Variants in PLXDC2 observed in about 807,000 individuals in gnomAD.
The protein encoded by PLXDC2 is plexin domain-containing protein 2.
In PLXDC2, 40 loss-of-function variants were observed where a neutral mutation model predicts 68.9. The ratio of observed to expected loss-of-function variants is 0.58; its 90% CI spans 0.45 to 0.76. PLXDC2 has a LOEUF of 0.76. PLXDC2 is among the 30% of genes least tolerant of loss of function. PLXDC2 has a pLI of 0.00. For synonymous variants in PLXDC2, 243 were observed against 234.2 expected, an observed-to-expected ratio of 1.04 and a Z score of -0.34; for missense variants, 644 against 661.9, an observed-to-expected ratio of 0.97 and a Z score of 0.30.
intron 1 of PLXDC2, among the ~76,000 whole-genome samples, chr10:19,829,597 C>G (rs955058341): frequency 2.7e-5 from 4 of 149,068 alleles, no homozygotes; most frequent in East Asian, 3.9e-4. Context: ...GACGTGGTGG[C>G]GGGCACCTGT....
chr10:19,913,052 G>GT (rs1263138633), intron 1 of PLXDC2, among the ~76,000 whole-genome samples: 1 of 152,140 alleles, frequency 6.6e-6, no homozygotes, highest in Non-Finnish European at 1.5e-5. Flanking sequence ...AGTTGTCAAA[G>GT]TATCTGAATG....
chr10:20,007,732 T>C (rs1835049792), intron 2 of PLXDC2, among the ~76,000 whole-genome samples: 1 of 152,230 alleles, frequency 6.6e-6, no homozygotes, highest in Non-Finnish European at 1.5e-5. Flanking sequence ...CGGTCTGATA[T>C]TCTGTTTCTA....
Position 20,285,322 on chromosome 10 carries a change from G to GAAC in PLXDC2, c.*5505_*5507dup, listed in dbSNP as rs1269826255. ...TGTTCAGTTCACTGAAATATTTATT[G>GAAC]AACACCTACTGGAACCAAGTGACTG... On this transcript the variant is annotated 3_prime_UTR_variant, in exon 14 of 14. Coordinates refer to ENST00000377252, the MANE Select transcript of PLXDC2 (RefSeq NM_032812.9). 6.6e-6 allele frequency: 1 copy of GAAC among 151,956 alleles called. No homozygotes were observed. The highest frequency in any genetic ancestry group is 1.9e-4 in the East Asian group (1 of 5,172). 9.4% of individuals were successfully genotyped at this position (151,956 alleles called of 1,614,324 possible).
At chr10:19,835,037 G>A (rs899211411) in intron 1 of PLXDC2, among the ~76,000 whole-genome samples, 1 of 152,140 alleles carries the variant, frequency 6.6e-6, no homozygotes, top group Non-Finnish European at 1.5e-5. Flanking sequence ...TGATGGAAAG[G>A]CATCCTGAAC....
chr10:19,958,476 C>T (rs75752433), intron 1 of PLXDC2, among the ~76,000 whole-genome samples: 240 of 152,250 alleles, frequency 1.6e-3, no homozygotes, highest in Non-Finnish European at 3.2e-3. Flanking sequence ...TAAATCTGAA[C>T]TGGAAAACTG....
At chr10:20,064,568 T>C (rs924557505) in intron 3 of PLXDC2, among the ~76,000 whole-genome samples, 1 of 152,148 alleles carries the variant, frequency 6.6e-6, no homozygotes, top group African/African-American at 2.4e-5. Context: ...AGTCCTTTGT[T>C]TTATATACTA....
chr10:20,044,464 C>T (rs1369037381), intron 2 of PLXDC2, among the ~76,000 whole-genome samples: 1 of 151,752 alleles, frequency 6.6e-6, no homozygotes, highest in Non-Finnish European at 1.5e-5. Flanking sequence ...CATCTGCCAT[C>T]ACGCCTGGCT....
chr10:19,872,614 G>A (rs1325514814), intron 1 of PLXDC2, among the ~76,000 whole-genome samples: 1 of 152,184 alleles, frequency 6.6e-6, no homozygotes, highest in Non-Finnish European at 1.5e-5. Flanking sequence ...GACAAATGTG[G>A]TTCGGAGTTT....
chr10:20,125,523 C>G (rs748902446), intron 4 of PLXDC2, among the ~76,000 whole-genome samples: 22 of 152,096 alleles, frequency 1.4e-4, no homozygotes, highest in Non-Finnish European at 2.6e-4. Context: ...ACGATCACAA[C>G]TCTGAGATTG....
chr10:19,869,654 TTTAA>T (rs1837496627), intron 1 of PLXDC2, among the ~76,000 whole-genome samples: 1 of 152,086 alleles, frequency 6.6e-6, no homozygotes, highest in Non-Finnish European at 1.5e-5. Context: ...CATTTAAACA[TTTAA>T]TTAATATTTA....
In PLXDC2 at chr10:20,220,906, A is replaced by G. The variant is rs543071731; in HGVS notation, c.1312+1804A>G. Among the ~76,000 whole-genome samples the G allele has an allele frequency of 1.5e-4, 22 of 146,684 alleles. No homozygotes were observed. The East Asian group carries it at 2.0e-3, about 13-fold the overall frequency. On this transcript the variant is annotated intron_variant, in intron 12 of 13. Transcript: ENST00000377252. ...TGCCCAGGCTGGAGTGTAGTGGCAC[A>G]ATCTCAGCTCACTGCAACCTCCGTC... is the stretch of plus-strand genomic sequence containing the variant.
intron 13 of PLXDC2, among the ~76,000 whole-genome samples, chr10:20,254,084 C>A (rs151069050): frequency 1.3e-5 from 2 of 152,234 alleles, no homozygotes; most frequent in Non-Finnish European, 2.9e-5. Context: ...AATTCCTCAC[C>A]CCGGCCCTAT....
intron 3 of PLXDC2, among the ~76,000 whole-genome samples, chr10:20,054,300 G>A (rs138338632): frequency 6.6e-6 from 1 of 151,996 alleles, no homozygotes; most frequent in South Asian, 2.1e-4. Context: ...GGGGAGTCTC[G>A]CTAAACTGAC....
intron 4 of PLXDC2, among the ~76,000 whole-genome samples, chr10:20,131,947 T>G (rs1833873309): frequency 6.6e-6 from 1 of 151,798 alleles, no homozygotes; most frequent in South Asian, 2.1e-4. Flanking sequence ...GTTGCTTTTA[T>G]GAAATCTTTC....
intron 2 of PLXDC2, among the ~76,000 whole-genome samples, chr10:20,023,629 A>G (rs1360577704): frequency 6.6e-6 from 1 of 152,138 alleles, no homozygotes; most frequent in Non-Finnish European, 1.5e-5. Flanking sequence ...TGGACTTCCC[A>G]GTATCTAGAA....
intron 9 of PLXDC2, among the ~76,000 whole-genome samples, chr10:20,207,666 C>T (rs1190173023): frequency 6.6e-6 from 1 of 152,150 alleles, no homozygotes; most frequent in East Asian, 1.9e-4. Flanking sequence ...GGAGGGAGCA[C>T]TCATCTAACT....
At chr10:20,042,656 G>T (rs1276306263) in intron 2 of PLXDC2, among the ~76,000 whole-genome samples, 1 of 152,082 alleles carries the variant, frequency 6.6e-6, no homozygotes, top group Non-Finnish European at 1.5e-5. Flanking sequence ...TATCATTACT[G>T]CATGAGGCAA....
intron 4 of PLXDC2, among the ~76,000 whole-genome samples, chr10:20,087,805 T>A (rs936162871): frequency 1.3e-5 from 2 of 152,210 alleles, no homozygotes; most frequent in African/African-American, 4.8e-5. Flanking sequence ...TACGGGACTG[T>A]GGTTTTCATG....
At chr10:20,197,314 G>T (rs1834852940) in intron 9 of PLXDC2, among the ~76,000 whole-genome samples, 1 of 152,022 alleles carries the variant, frequency 6.6e-6, no homozygotes, top group Non-Finnish European at 1.5e-5. Flanking sequence ...CCATATATCA[G>T]CTTCAGATTA....
Sources: allele counts gnomAD v4.1 joint callset (sites outside exome capture counted in the v4.1 genomes callset), GRCh38; gene constraint gnomAD v4.1.1; transcripts MANE v1.5; gene names NCBI Gene and HGNC (gene_info 2026-07-23, HGNC 2026-07-21).